The following GRIN2B variants were observed in gnomAD, a reference collection of about 807,000 sequenced individuals.
GRIN2B encodes glutamate ionotropic receptor NMDA type subunit 2B.
GRIN2B carries 5 observed loss-of-function variants against 114.5 expected under a neutral mutation model. That is an observed-to-expected ratio of 0.04 (90% confidence interval 0.02 to 0.09). The LOEUF (loss-of-function observed/expected upper bound fraction) is 0.09, where lower values mean the gene tolerates loss of function less well. GRIN2B is among the 10% of genes least tolerant of loss of function. The pLI, the probability that GRIN2B is intolerant of heterozygous loss-of-function variation, is 1.00. For missense variants in GRIN2B, 1,108 were observed against 1,943.5 expected (o/e 0.57, Z 8.08); for synonymous variants, 787 against 745.1 (o/e 1.06, Z -0.92).
intron 3 of GRIN2B, among the ~76,000 whole-genome samples, chr12:13,789,549 T>TA (rs1257892225): frequency 3.3e-5 from 5 of 152,330 alleles, no homozygotes; most frequent in Admixed American, 1.3e-4. Flanking sequence ...AGTTTTTTTT[T>TA]AGTCGCTCTG....
chr12:13,662,513 G>T (rs1289600866), intron 5 of GRIN2B, among the ~76,000 whole-genome samples: 2 of 152,116 alleles, frequency 1.3e-5, no homozygotes, highest in Non-Finnish European at 2.9e-5. Flanking sequence ...ACCACCTTAA[G>T]CGTATATGGC....
chr12:13,973,942 C>T (rs1282222732), intron 2 of GRIN2B, among the ~76,000 whole-genome samples: 1 of 152,162 alleles, frequency 6.6e-6, no homozygotes, highest in African/African-American at 2.4e-5. Flanking sequence ...GGTGTCTCCC[C>T]AGCATCTCCA....
intron 2 of GRIN2B, among the ~76,000 whole-genome samples, chr12:13,869,241 C>CTTTTTTTTTTT (rs377460231): frequency 9.9e-4 from 126 of 127,310 alleles, no homozygotes; most frequent in African/African-American, 1.8e-3. Flanking sequence ...CTTTTTTTTT[C>CTTTTTTTTTTT]TTTTTTTTTT....
chr12:13,742,093 C>T (rs369452213), intron 4 of GRIN2B, among the ~76,000 whole-genome samples: 3 of 152,178 alleles, frequency 2.0e-5, no homozygotes, highest in Non-Finnish European at 2.9e-5. Flanking sequence ...CTAAGATAAT[C>T]GATATAATTT....
Position 13,621,613 on chromosome 12 carries a change from G to GTT in GRIN2B, c.1126-4958_1126-4957dup, listed in dbSNP as rs869106790. ...AGAAAAAAAAAATTGCCTAGTTTTT[G>GTT]TTTTTTTTTTTTTTTTTTTTTTTTT... On this transcript the variant is annotated intron_variant, in intron 5 of 13. Transcript: ENST00000609686. Among the ~76,000 whole-genome samples the GTT allele has an allele frequency of 1.2e-3, 88 of 72,388 alleles. 8 individuals carry two copies. Among genetic ancestry groups the GTT allele is most frequent in the African/African-American group, 4.6e-3 (82 of 18,004 alleles). 47.5% of individuals were successfully genotyped at this position (72,388 alleles called of 152,430 possible). A position where few individuals can be genotyped will look rare whatever the true frequency, so the allele number is the denominator to read the frequency against.
At chr12:13,637,906 A>T (rs1396450389) in intron 5 of GRIN2B, among the ~76,000 whole-genome samples, 1 of 152,132 alleles carries the variant, frequency 6.6e-6, no homozygotes, top group Non-Finnish European at 1.5e-5. Context: ...ACCAACTCAA[A>T]CAGAGCTTGG....
chr12:13,765,482 T>C (rs1438439588), intron 3 of GRIN2B, among the ~76,000 whole-genome samples: 2 of 152,228 alleles, frequency 1.3e-5, no homozygotes, highest in East Asian at 1.9e-4. Flanking sequence ...GGAAGGCACA[T>C]GATAAGCCCT....
At chr12:13,968,749 GCTCA>G (rs1382231655) in intron 2 of GRIN2B, among the ~76,000 whole-genome samples, 1 of 152,154 alleles carries the variant, frequency 6.6e-6, no homozygotes, top group African/African-American at 2.4e-5. Flanking sequence ...AACAAAACTA[GCTCA>G]CTCACGTCCT....
At chr12:13,912,683 C>A (rs1313847291) in intron 2 of GRIN2B, among the ~76,000 whole-genome samples, 1 of 152,072 alleles carries the variant, frequency 6.6e-6, no homozygotes, top group East Asian at 1.9e-4. Flanking sequence ...CTGGTTCAAA[C>A]GACTTTTTTT....
chr12:13,848,766 C>A (rs1019693566), intron 3 of GRIN2B, among the ~76,000 whole-genome samples: 1 of 152,160 alleles, frequency 6.6e-6, no homozygotes, highest in Non-Finnish European at 1.5e-5. Flanking sequence ...CTTTCTTGAA[C>A]CCAACAGAGC....
At chr12:13,954,279 T>C (rs1307068659) in intron 2 of GRIN2B, among the ~76,000 whole-genome samples, 4 of 152,198 alleles carry the variant, frequency 2.6e-5, no homozygotes, top group Non-Finnish European at 5.9e-5. Context: ...ATTTGCTACA[T>C]GATTCAACAA....
At chr12:13,856,478 T>C (rs1865662677) in intron 3 of GRIN2B, among the ~76,000 whole-genome samples, 1 of 152,018 alleles carries the variant, frequency 6.6e-6, no homozygotes, top group African/African-American at 2.4e-5. Context: ...GCAGCGTGTA[T>C]GGAGTTGAGG....
intron 3 of GRIN2B, among the ~76,000 whole-genome samples, chr12:13,817,162 G>C (rs1253151578): frequency 6.6e-6 from 1 of 151,990 alleles, no homozygotes; most frequent in Non-Finnish European, 1.5e-5. Context: ...TGGTTTTCTA[G>C]AATCAGAAAA....
chr12:13,794,370 C>T (rs1183703792), intron 3 of GRIN2B, among the ~76,000 whole-genome samples: 1 of 152,162 alleles, frequency 6.6e-6, no homozygotes, highest in Admixed American at 6.5e-5. Context: ...CCAGTATTCT[C>T]CAGCAGCAGA....
At chr12:13,611,595 A>T in intron 9 of GRIN2B, 130 bp downstream of exon 9, 2 of 924,680 alleles carry the variant, frequency 2.2e-6, no homozygotes, top group Non-Finnish European at 1.8e-6. Flanking sequence ...TGACTTAGAA[A>T]TGTTCACCTG....
At chr12:13,926,962 A>AG (rs1022725744) in intron 2 of GRIN2B, among the ~76,000 whole-genome samples, 5 of 147,752 alleles carry the variant, frequency 3.4e-5, no homozygotes, top group African/African-American at 1.0e-4. Context: ...AAAAAAAAGA[A>AG]AAAAAAAAAA....
chr12:13,966,244 A>C (rs957570630), intron 2 of GRIN2B, among the ~76,000 whole-genome samples: 2 of 152,240 alleles, frequency 1.3e-5, no homozygotes, highest in Non-Finnish European at 2.9e-5. Flanking sequence ...AAGACAGTAT[A>C]TATGAGAAAG....
chr12:13,727,807 T>G (rs1863018252), intron 4 of GRIN2B, among the ~76,000 whole-genome samples: 1 of 152,200 alleles, frequency 6.6e-6, no homozygotes, highest in Non-Finnish European at 1.5e-5. Context: ...TTCCTACTTA[T>G]GCAAACCATG....
intron 2 of GRIN2B, among the ~76,000 whole-genome samples, chr12:13,908,807 T>G (rs1027402122): frequency 1.3e-5 from 2 of 152,194 alleles, no homozygotes; most frequent in Non-Finnish European, 2.9e-5. Flanking sequence ...GCTTGAGACA[T>G]CTCACAAAAC....
Sources: allele counts gnomAD v4.1 joint callset (sites outside exome capture counted in the v4.1 genomes callset), GRCh38; gene constraint gnomAD v4.1.1; transcripts MANE v1.5; gene names NCBI Gene and HGNC (gene_info 2026-07-23, HGNC 2026-07-21).